EPHA5: variants seen among roughly 807,000 people sequenced by gnomAD.
The protein encoded by EPHA5 is ephrin type-A receptor 5.
In EPHA5, 60 loss-of-function variants were observed where a neutral mutation model predicts 105.0. The ratio of observed to expected loss-of-function variants is 0.57; its 90% CI spans 0.46 to 0.71. The LOEUF is 0.71. Among genes scored for constraint, EPHA5 ranks in the 30% least tolerant of loss-of-function variants. The pLI is 0.00. For synonymous variants in EPHA5, 513 were observed against 449.1 expected (o/e 1.14, Z -1.80); for missense variants, 1,218 against 1,274.7 (o/e 0.96, Z 0.68).
chr4:65,506,893 G>C (rs1733086140), intron 3 of EPHA5, among the ~76,000 whole-genome samples: 1 of 152,084 alleles, frequency 6.6e-6, no homozygotes, highest in African/African-American at 2.4e-5. Flanking sequence ...TTTGGCTTTT[G>C]TTGCCATTGC....
intron 3 of EPHA5, among the ~76,000 whole-genome samples, chr4:65,499,903 C>T (rs1176438085): frequency 6.6e-6 from 1 of 150,668 alleles, no homozygotes; most frequent in Non-Finnish European, 1.5e-5. Context: ...TTGGAAGACA[C>T]TGAAGATATA....
intron 3 of EPHA5, among the ~76,000 whole-genome samples, chr4:65,571,458 T>G (rs541577115): frequency 6.6e-6 from 1 of 152,208 alleles, no homozygotes; most frequent in African/African-American, 2.4e-5. Context: ...CACATGAAAC[T>G]GCTTGAGAAG....
chr4:65,470,777 C>T (rs548005057), intron 5 of EPHA5, among the ~76,000 whole-genome samples: 1 of 152,132 alleles, frequency 6.6e-6, no homozygotes, highest in Non-Finnish European at 1.5e-5. Context: ...GAAGAACAAG[C>T]CACTAATATT....
intron 3 of EPHA5, among the ~76,000 whole-genome samples, chr4:65,498,906 C>T (rs1357692842): frequency 1.3e-5 from 2 of 151,518 alleles, no homozygotes; most frequent in African/African-American, 4.8e-5. Flanking sequence ...CCCTAAATTC[C>T]AAGGGGTCAT....
chr4:65,406,167 C>T (rs962683470), intron 7 of EPHA5, among the ~76,000 whole-genome samples: 11 of 152,144 alleles, frequency 7.2e-5, no homozygotes, highest in Admixed American at 7.2e-4. Flanking sequence ...TACTCTGCTG[C>T]TTACAAGCCT....
At chr4:65,381,735 T>C (rs144495961) in intron 8 of EPHA5, among the ~76,000 whole-genome samples, 4 of 151,782 alleles carry the variant, frequency 2.6e-5, no homozygotes, top group African/African-American at 9.6e-5. Flanking sequence ...TTTTAGGAGG[T>C]AGGGTATTTG....
Position 65,404,492 on chromosome 4 carries a change from A to G in EPHA5, c.1688-13T>C. 1 of 1,611,420 alleles carries G rather than the reference A, an allele frequency of 6.2e-7. No homozygotes were observed. Among genetic ancestry groups the G allele is most frequent in the Non-Finnish European group, 8.5e-7 (1 of 1,177,800 alleles). On this transcript the variant is annotated splice_polypyrimidine_tract_variant and intron_variant, in intron 7 of 16. Coordinates refer to ENST00000613740, the MANE Select transcript of EPHA5 (RefSeq NM_001281766.3). The stretch of plus-strand genomic sequence containing the variant: ...GATGCTGCAACTGCTGATAGGAGAT[A>G]CAGAAAATGGAGCTTGTGGTTAAAG...
intron 3 of EPHA5, among the ~76,000 whole-genome samples, chr4:65,520,527 G>A (rs1734585253): frequency 6.6e-6 from 1 of 152,124 alleles, no homozygotes; most frequent in Non-Finnish European, 1.5e-5. Flanking sequence ...ATGGACGAAT[G>A]GGATCTAATT....
intron 4 of EPHA5, among the ~76,000 whole-genome samples, chr4:65,493,013 T>A (rs1051450789): frequency 3.3e-5 from 5 of 150,088 alleles, no homozygotes; most frequent in Admixed American, 6.7e-5. Flanking sequence ...TTCTGCCAAC[T>A]GAAAAATCCT....
At chr4:65,530,008 A>G (rs750741459) in intron 3 of EPHA5, among the ~76,000 whole-genome samples, 25 of 152,170 alleles carry the variant, frequency 1.6e-4, no homozygotes, top group Non-Finnish European at 2.9e-4. Flanking sequence ...ATTTTAAAAA[A>G]CATAACTATG....
At chr4:65,546,582 C>A (rs1371664803) in intron 3 of EPHA5, among the ~76,000 whole-genome samples, 1 of 151,914 alleles carries the variant, frequency 6.6e-6, no homozygotes, top group Non-Finnish European at 1.5e-5. Flanking sequence ...AATGTTTTAA[C>A]AACTGTCCAC....
chr4:65,658,994 C>A (rs1231010856), intron 1 of EPHA5, among the ~76,000 whole-genome samples: 1 of 151,658 alleles, frequency 6.6e-6, no homozygotes, highest in Non-Finnish European at 1.5e-5. Flanking sequence ...TTTAATATAA[C>A]CTTGTATGTA....
intron 5 of EPHA5, among the ~76,000 whole-genome samples, chr4:65,468,803 C>T (rs1729011520): frequency 6.6e-6 from 1 of 150,582 alleles, no homozygotes; most frequent in Admixed American, 6.7e-5. Context: ...TATGAACTAA[C>T]ACAAAATTAC....
intron 14 of EPHA5, among the ~76,000 whole-genome samples, chr4:65,337,493 A>C (rs1721296607): frequency 6.6e-6 from 1 of 152,114 alleles, no homozygotes; most frequent in Admixed American, 6.6e-5. Context: ...CCTTATGATA[A>C]ATAAAATGGC....
intron 14 of EPHA5, among the ~76,000 whole-genome samples, chr4:65,343,349 T>A (rs1721916550): frequency 6.6e-6 from 1 of 152,124 alleles, no homozygotes; most frequent in African/African-American, 2.4e-5. Context: ...GTTTTCTTCC[T>A]GATGGAAGAG....
intron 3 of EPHA5, chr4:65,574,311 C>G: frequency 2.6e-6 from 4 of 1,526,468 alleles, no homozygotes; most frequent in Non-Finnish European, 2.7e-6. Flanking sequence ...AATTTATCCT[C>G]ACAAATTGGT....
At chr4:65,451,599 T>A (rs2149108090) in intron 5 of EPHA5, among the ~76,000 whole-genome samples, 1 of 152,314 alleles carries the variant, frequency 6.6e-6, no homozygotes, top group East Asian at 1.9e-4. Flanking sequence ...AGGGTAAAGC[T>A]GTTTTATCAA....
At position 65,324,162 on chromosome 4, in the gene EPHA5, G is replaced by A. The variant is rs56037197; in HGVS notation, c.3003C>T (p.Ser1001=). The change falls in exon 17 of 17, where the codon AGC becomes AGT. Residue 1001 remains serine (S), a synonymous_variant. Coordinates refer to ENST00000613740, the MANE Select transcript of EPHA5 (RefSeq NM_001281766.3). The stretch of plus-strand genomic sequence containing the variant: ...CCAGCTGCACCTTCATTTCTTGAAG[G>A]CTGTTCATGATCTTCTTCTGGTGAC... The part of the protein sequence containing the change: ...LVGHQKKIMN[S]LQEMKVQLVN... 2.9e-3 allele frequency: 4,615 copies of A among 1,609,430 alleles called. 10 individuals are homozygous for A. The highest frequency in any genetic ancestry group is 3.6e-3 in the Non-Finnish European group (4,190 of 1,177,014).
At chr4:65,465,205 A>G (rs1728494369) in intron 5 of EPHA5, among the ~76,000 whole-genome samples, 1 of 152,020 alleles carries the variant, frequency 6.6e-6, no homozygotes. Context: ...TGGGAGGCAG[A>G]AGCAGGCGGT....
Sources: allele counts gnomAD v4.1 joint callset (sites outside exome capture counted in the v4.1 genomes callset), GRCh38; gene constraint gnomAD v4.1.1; transcripts MANE v1.5; gene names NCBI Gene and HGNC (gene_info 2026-07-23, HGNC 2026-07-21).